Variants in CPEB3 observed in about 807,000 individuals in gnomAD.
CPEB3 encodes the protein cytoplasmic polyadenylation element-binding protein 3.
A neutral mutation model predicts 67.2 loss-of-function variants in CPEB3; 20 were observed. The observed-to-expected ratio is 0.30, with a 90% CI of 0.21 to 0.43. CPEB3 has a LOEUF of 0.43. Among genes scored for constraint, CPEB3 ranks in the 20% least tolerant of loss-of-function variants. The pLI is 1.00. For synonymous variants in CPEB3, 376 were observed against 393.1 expected, an observed-to-expected ratio of 0.96 and a Z score of 0.51; for missense variants, 746 against 968.6, an observed-to-expected ratio of 0.77 and a Z score of 3.05.
chr10:92,120,827 A>G (rs554995699), intron 6 of CPEB3, among the ~76,000 whole-genome samples: 1 of 151,900 alleles, frequency 6.6e-6, no homozygotes, highest in East Asian at 2.0e-4. Flanking sequence ...CAGCCTCCCA[A>G]GTAGCTGGGA....
chr10:92,128,962 C>G (rs1845719280), intron 6 of CPEB3, among the ~76,000 whole-genome samples: 2 of 152,208 alleles, frequency 1.3e-5, no homozygotes, highest in African/African-American at 4.8e-5. Flanking sequence ...AAAACAACTA[C>G]CATTTGAGCC....
At chr10:92,211,718 T>C (rs1850096081) in intron 2 of CPEB3, among the ~76,000 whole-genome samples, 1 of 151,168 alleles carries the variant, frequency 6.6e-6, no homozygotes, top group Admixed American at 6.6e-5. Flanking sequence ...TTTGTGTGTA[T>C]TTTTAGTAGA....
intron 4 of CPEB3, among the ~76,000 whole-genome samples, chr10:92,161,439 T>TTA (rs1847472538): frequency 6.6e-6 from 1 of 152,000 alleles, no homozygotes. Flanking sequence ...GCCCAGCTAA[T>TTA]TTTTTGTATT....
chr10:92,202,953 T>C (rs1412667402), intron 2 of CPEB3, among the ~76,000 whole-genome samples: 3 of 151,612 alleles, frequency 2.0e-5, no homozygotes, highest in Non-Finnish European at 4.4e-5. Flanking sequence ...TAAGCTTTTT[T>C]TTTTTTGAGA....
intron 4 of CPEB3, among the ~76,000 whole-genome samples, chr10:92,150,906 AAAAGCAGGAG>A (rs1368588199): frequency 3.3e-5 from 5 of 152,218 alleles, no homozygotes; most frequent in African/African-American, 4.8e-5. Context: ...ATATTTCAAT[AAAAGCAGGAG>A]AAAGGTTTCT....
At chr10:92,242,264 A>G (rs2134703188) in intron 1 of CPEB3, among the ~76,000 whole-genome samples, 1 of 152,314 alleles carries the variant, frequency 6.6e-6, no homozygotes, top group East Asian at 1.9e-4. Flanking sequence ...CCCCAGGGAA[A>G]AAAACCCAAC....
intron 4 of CPEB3, among the ~76,000 whole-genome samples, chr10:92,155,644 T>A (rs1847172457): frequency 6.6e-6 from 1 of 152,226 alleles, no homozygotes. Context: ...AAGGCAACAT[T>A]CAGTCTTTTA....
At chr10:92,141,133 A>T (rs1431840749) in intron 6 of CPEB3, among the ~76,000 whole-genome samples, 1 of 109,636 alleles carries the variant, frequency 9.1e-6, no homozygotes, top group East Asian at 2.5e-4. Flanking sequence ...ATTACTGGGT[A>T]TATACCCAAA....
intron 1 of CPEB3, among the ~76,000 whole-genome samples, chr10:92,248,067 C>T (rs1852143925): frequency 6.6e-6 from 1 of 152,116 alleles, no homozygotes; most frequent in Non-Finnish European, 1.5e-5. Context: ...CATAGTTATT[C>T]CTCGGTATCT....
At chr10:92,148,822 G>C (rs1234098304) in intron 4 of CPEB3, among the ~76,000 whole-genome samples, 1 of 151,752 alleles carries the variant, frequency 6.6e-6, no homozygotes, top group African/African-American at 2.4e-5. Context: ...GCTTTTATTT[G>C]GTCAGGCATT....
At chr10:92,179,837 T>C (rs767543220) in intron 4 of CPEB3, among the ~76,000 whole-genome samples, 1 of 152,182 alleles carries the variant, frequency 6.6e-6, no homozygotes, top group Non-Finnish European at 1.5e-5. Context: ...ATTTTAGAGA[T>C]AACCTAAAAT....
chr10:92,110,439 T>G (rs1404327747), intron 7 of CPEB3, among the ~76,000 whole-genome samples: 1 of 152,238 alleles, frequency 6.6e-6, no homozygotes, highest in Non-Finnish European at 1.5e-5. Context: ...CCTTCTCCAC[T>G]GATAGCTCTT....
intron 2 of CPEB3, among the ~76,000 whole-genome samples, chr10:92,225,181 GC>G (rs1168222882): frequency 2.0e-5 from 3 of 151,816 alleles, no homozygotes; most frequent in African/African-American, 7.3e-5. Flanking sequence ...CACAATGTTG[GC>G]CAGGATGGCC....
intron 2 of CPEB3, among the ~76,000 whole-genome samples, chr10:92,227,668 G>A (rs965483783): frequency 6.8e-6 from 1 of 147,712 alleles, no homozygotes; most frequent in Non-Finnish European, 1.5e-5. Context: ...TCGGCTCACT[G>A]CAGGCTCCGC....
chr10:92,083,569 A>G (rs1843243665), intron 8 of CPEB3, among the ~76,000 whole-genome samples: 1 of 152,248 alleles, frequency 6.6e-6, no homozygotes, highest in Non-Finnish European at 1.5e-5. Context: ...TGTTAATTGC[A>G]GTCATTAATG....
At chr10:92,261,306 C>T (rs929929020) in intron 1 of CPEB3, among the ~76,000 whole-genome samples, 1 of 152,142 alleles carries the variant, frequency 6.6e-6, no homozygotes, top group Non-Finnish European at 1.5e-5. Flanking sequence ...TTCACTTCTG[C>T]AGACTGTTCA....
intron 4 of CPEB3, among the ~76,000 whole-genome samples, chr10:92,175,157 A>C (rs1226206732): frequency 6.6e-6 from 1 of 151,818 alleles, no homozygotes; most frequent in African/African-American, 2.4e-5. Flanking sequence ...TGTTACTACA[A>C]AAATTCCTTT....
chr10:92,167,322 C>T (rs1174918646), intron 4 of CPEB3, among the ~76,000 whole-genome samples: 1 of 152,242 alleles, frequency 6.6e-6, no homozygotes, highest in Non-Finnish European at 1.5e-5. Context: ...AGAGGCCTAG[C>T]TTTTAGCCTG....
intron 3 of CPEB3, among the ~76,000 whole-genome samples, chr10:92,183,930 G>A (rs1848573115): frequency 1.3e-5 from 2 of 152,110 alleles, no homozygotes; most frequent in Admixed American, 6.6e-5. Flanking sequence ...ATCAAATAAA[G>A]TTTTTACATG....
Sources: gnomAD v4.1 joint callset for allele counts (sites outside exome capture counted in the v4.1 genomes callset) on GRCh38, gnomAD v4.1.1 for gene constraint, MANE v1.5 for transcripts, NCBI Gene and HGNC (gene_info 2026-07-23, HGNC 2026-07-21) for gene names.